Variants in TBX6 observed in about 807,000 individuals in gnomAD.
TBX6 encodes the protein T-box transcription factor TBX6.
TBX6 carries 29 observed loss-of-function variants against 42.3 expected under a neutral mutation model. The ratio of observed to expected loss-of-function variants is 0.69; its 90% CI spans 0.51 to 0.93. The LOEUF is 0.93. TBX6 is among the 40% of genes least tolerant of loss of function. TBX6 has a pLI of 0.00. For synonymous variants in TBX6, 249 were observed against 245.1 expected, an observed-to-expected ratio of 1.02 and a Z score of -0.15; for missense variants, 569 against 603.3, an observed-to-expected ratio of 0.94 and a Z score of 0.59.
At position 30,086,777 on chromosome 16, in the gene TBX6, C is replaced by A; in HGVS notation, c.913+1G>T. On this transcript the variant is annotated splice_donor_variant, in intron 7 of 8. Transcript: ENST00000395224. LOFTEE classifies it high-confidence loss of function. The surrounding 1 kb of genome is among the most constrained non-coding windows in gnomAD (Gnocchi z 4.6). The stretch of plus-strand genomic sequence containing the variant: ...CCCATCGCCATCGGGACTACACTCA[C>A]CTCCGCTCCCATAGGCCTCTGTGGC... 6.2e-7 allele frequency: 1 copy of A among 1,614,014 alleles called. No homozygotes were observed. Among genetic ancestry groups the A allele is most frequent in the South Asian group, 1.1e-5 (1 of 91,070 alleles).
chr16:30,086,614 TCCCCGGGGGCTG>T lies in TBX6; in HGVS notation c.983_994del (p.Pro328_Glu332delinsGln), dbSNP rs1390774196. 6.3e-7 allele frequency: 1 copy of T among 1,591,450 alleles called. No individual in the cohort carries two copies. Among genetic ancestry groups the T allele is most frequent in the East Asian group, 2.3e-5 (1 of 44,392 alleles). ...CAGAGGTGCCGGGGCAGCGGTGGCT[TCCCCGGGGGCTG>T]GGGCCTGTTCTGGATCTGATTCACG... On this transcript the variant is annotated inframe_deletion, in exon 8 of 9. Coordinates refer to ENST00000395224, the MANE Select transcript of TBX6 (RefSeq NM_004608.4). The surrounding 1 kb of genome is among the most constrained non-coding windows in gnomAD (Gnocchi z 4.6).
In TBX6 at chr16:30,091,011, TGAG is replaced by T. The variant is rs1336672136; in HGVS notation, c.119-22_119-20del. On this transcript the variant is annotated intron_variant, in intron 2 of 8. Transcript: ENST00000395224. ...TCCAGTTCTGGAAGCCGGGGAAGAATGAGGAGCCAGCCGAGGGCCACAGCCCCC... is the reference window on the plus strand; with the variant it reads ...TCCAGTTCTGGAAGCCGGGGAAGAATGAGCCAGCCGAGGGCCACAGCCCCC... 3.7e-6 allele frequency: 6 copies of T among 1,607,020 alleles called. No individual in the cohort carries two copies. The African/African-American group carries it at 4.0e-5, about 11-fold the overall frequency.
chr16:30,090,801 ACTC>A lies in TBX6; in HGVS notation c.307_309del (p.Glu103del). On this transcript the variant is annotated inframe_deletion, in exon 3 of 9. Coordinates refer to ENST00000395224, the MANE Select transcript of TBX6 (RefSeq NM_004608.4). ...ATCATTTCTGTTCCCACAGAGCTGA[ACTC>A]CTTCCATAGCTCCCGGTTCTCCAGG... 1 of 1,604,644 alleles carries A rather than the reference ACTC, an allele frequency of 6.2e-7. No individual in the cohort carries two copies. The highest frequency in any genetic ancestry group is 8.5e-7 in the Non-Finnish European group (1 of 1,175,456).
At position 30,088,446 on chromosome 16, in the gene TBX6, T is replaced by TA. The variant is rs1161160575; in HGVS notation, c.839+98dup. The TA allele has an allele frequency of 1.1e-5, 17 of 1,516,462 alleles. No individual in the cohort carries two copies. The highest frequency in any genetic ancestry group is 1.5e-5 in the Non-Finnish European group (16 of 1,094,406). The allele number at this position is 1,516,462 out of a possible 1,614,324, so 93.9% of individuals were successfully genotyped here. A position where few individuals can be genotyped will look rare whatever the true frequency, so the allele number is the denominator to read the frequency against. On this transcript the variant is annotated intron_variant, in intron 6 of 8. Coordinates refer to ENST00000395224, the MANE Select transcript of TBX6 (RefSeq NM_004608.4). This position sits in a 1 kb window ranked among gnomAD's most constrained non-coding sequence, Gnocchi z 4.1. ...GAGTCAGTGAATGAATGTTTTCACT[T>TA]ACCACTGCATTTCTGATGTCCAGCA... is the stretch of plus-strand genomic sequence containing the variant.
chr16:30,089,276 G>A, intron 3 of TBX6, 66 bp from the exon 4 acceptor site: 1 of 1,553,810 alleles, frequency 6.4e-7, no homozygotes, highest in African/African-American at 1.4e-5. Flanking sequence ...CCCAGCACCA[G>A]TAACGGGACA....
chr16:30,086,014 C>T lies in TBX6; in HGVS notation c.*211G>A, dbSNP rs371264180. 6.6e-5 allele frequency: 36 copies of T among 549,272 alleles called. No homozygotes were observed. Among genetic ancestry groups the T allele is most frequent in the Middle Eastern group, 4.7e-4 (1 of 2,150 alleles). The allele number at this position is 549,272 out of a possible 1,614,324, so 34.0% of individuals were successfully genotyped here. On this transcript the variant is annotated 3_prime_UTR_variant, in exon 9 of 9. Transcript: ENST00000395224. This position sits in a 1 kb window ranked among gnomAD's most constrained non-coding sequence, Gnocchi z 4.6. ...GAGGTGAGAGCCGGGAAGGGGAAGC[C>T]GGCCCCAGCTGGACTCCCAGCAGCC...
rs371444192 is a variant in TBX6, at chr16:30,088,908, C to T, written c.621+35G>A. The T allele has an allele frequency of 6.9e-6, 11 of 1,602,932 alleles. No individual in the cohort carries two copies. In the African/African-American group the frequency reaches 1.1e-4, roughly 16 times the overall value. The stretch of plus-strand genomic sequence containing the variant: ...CCCTTGGCCTCCCTTCCAGCACCCC[C>T]CAACCCTATCCTGGAGTCCCAGCCT... On this transcript the variant is annotated intron_variant, in intron 4 of 8. Transcript: ENST00000395224. This position sits in a 1 kb window ranked among gnomAD's most constrained non-coding sequence, Gnocchi z 4.1.
At position 30,089,069 on chromosome 16, in the gene TBX6, C is replaced by A; in HGVS notation, c.495G>T (p.Glu165Asp). Residue 165 changes from glutamate (E) to aspartate (D), a missense_variant, in exon 4 of 9, where the codon GAG becomes GAT. This residue lies in a region of TBX6 where 190 missense variants were observed against 250.6 expected (regional missense o/e 0.76). Transcript: ENST00000395224. ...TGTAGACACGGTCAGGCAGGCGGGG[C>A]TCTGCCTTGCCGCTGGGCTCCCAGC... is the stretch of plus-strand genomic sequence containing the variant. ...GRRWEPSGKA[E>D]PRLPDRVYIH... 6.2e-7 allele frequency: 1 copy of A among 1,613,828 alleles called. No individual in the cohort carries two copies. The highest frequency in any genetic ancestry group is 8.5e-7 in the Non-Finnish European group (1 of 1,179,978).
Position 30,086,685 on chromosome 16 carries a change from A to C in TBX6, c.924T>G (p.Gly308=). The change falls in exon 8 of 9, where the codon GGT becomes GGG. Residue 308 remains glycine, a synonymous_variant. Coordinates refer to ENST00000395224, the MANE Select transcript of TBX6 (RefSeq NM_004608.4). This position sits in a 1 kb window ranked among gnomAD's most constrained non-coding sequence, Gnocchi z 4.6. ...TEAYGSGDTP[G]GPCDSTLGGD... is the part of the protein sequence containing the mutation. ...CACCCAGGGTGGAGTCGCAGGGACC[A>C]CCTGGTGTGTCTGGGGAGAGGGAAG... 1 of 1,612,164 alleles carries C rather than the reference A, an allele frequency of 6.2e-7. No homozygotes were observed. Among genetic ancestry groups the C allele is most frequent in the Middle Eastern group, 1.7e-4 (1 of 6,006 alleles).
Position 30,091,261 on chromosome 16 carries a change from T to G in TBX6, c.-48-20A>C. 1 of 1,246,870 alleles carries G rather than the reference T, an allele frequency of 8.0e-7. No individual in the cohort carries two copies. The highest frequency in any genetic ancestry group is 2.4e-5 in the East Asian group (1 of 41,734). The allele number at this position is 1,246,870 out of a possible 1,614,324, so 77.2% of individuals were successfully genotyped here. A position where few individuals can be genotyped will look rare whatever the true frequency, so the allele number is the denominator to read the frequency against. On this transcript the variant is annotated intron_variant, in intron 1 of 8. Coordinates refer to ENST00000395224, the MANE Select transcript of TBX6 (RefSeq NM_004608.4). Reference sequence around the variant, plus strand: ...CCGGTGCTGCGAGATGCCCCCTTTATAGCTCACAGCTCAGCCCCTTCCAGA... The same window carrying G: ...CCGGTGCTGCGAGATGCCCCCTTTAGAGCTCACAGCTCAGCCCCTTCCAGA...
Position 30,086,158 on chromosome 16 carries a change from G to A in TBX6, c.*67C>T. On this transcript the variant is annotated 3_prime_UTR_variant, in exon 9 of 9. Transcript: ENST00000395224. The surrounding 1 kb of genome is among the most constrained non-coding windows in gnomAD (Gnocchi z 4.6). Reference sequence around the variant, plus strand: ...TGGGGGATGGGGCCGGTGGAGGTGAGGGGGCTCCAGGGCTGGGGGAAGGGA... The same window carrying A: ...TGGGGGATGGGGCCGGTGGAGGTGAAGGGGCTCCAGGGCTGGGGGAAGGGA... 1 of 1,552,812 alleles carries A rather than the reference G, an allele frequency of 6.4e-7. No individual in the cohort carries two copies. The highest frequency in any genetic ancestry group is 8.7e-7 in the Non-Finnish European group (1 of 1,143,356).
Position 30,088,713 on chromosome 16 carries a change from T to A in TBX6, c.748A>T (p.Thr250Ser). Reference protein sequence around the residue: ...RFPETTFISVTAYQNPQITQL... With the variant: ...RFPETTFISVSAYQNPQITQL... ...CTCACCTGTGGGTTCTGGTAGGCTG[T>A]CACGGAGATGAATGTGGTCTCGGGG... Residue 250 changes from threonine to serine, a missense_variant, in exon 5 of 9, where the codon ACA (threonine) becomes TCA (serine). Around this residue, in one of 3 missense-constraint regions of TBX6, gnomAD observed 190 missense variants for 250.6 expected, o/e 0.76. Transcript: ENST00000395224. This position sits in a 1 kb window ranked among gnomAD's most constrained non-coding sequence, Gnocchi z 4.1. 6.2e-7 allele frequency: 1 copy of A among 1,613,960 alleles called. No homozygotes were observed. Among genetic ancestry groups the A allele is most frequent in the Non-Finnish European group, 8.5e-7 (1 of 1,179,966 alleles).
In TBX6 at chr16:30,089,080, C is replaced by A; in HGVS notation, c.484G>T (p.Gly162Cys). ...RWQGRRWEPS[G>C]KAEPRLPDRV... ...TCAGGCAGGCGGGGCTCTGCCTTGC[C>A]GCTGGGCTCCCAGCGCCGGCCCTGC... The change falls in exon 4 of 9, where the codon GGC becomes TGC. Residue 162 changes from glycine to cysteine, a missense_variant. Coordinates refer to ENST00000395224, the MANE Select transcript of TBX6 (RefSeq NM_004608.4). 1 of 1,613,822 alleles carries A rather than the reference C, an allele frequency of 6.2e-7. No individual in the cohort carries two copies. Among genetic ancestry groups the A allele is most frequent in the South Asian group, 1.1e-5 (1 of 91,066 alleles).
intron 3 of TBX6, among the ~76,000 whole-genome samples, 184 bp downstream of exon 3, chr16:30,090,574 C>A (rs1054687467): frequency 2.0e-5 from 3 of 152,182 alleles, no homozygotes; most frequent in African/African-American, 7.2e-5. Flanking sequence ...GGCCCTTAAC[C>A]CTTGTCACAG....
Position 30,088,343 on chromosome 16 carries a change from T to C in TBX6, c.839+202A>G. 1 of 694,090 alleles carries C rather than the reference T, an allele frequency of 1.4e-6. No homozygotes were observed. Among genetic ancestry groups the C allele is most frequent in the Non-Finnish European group, 2.4e-6 (1 of 410,454 alleles). 43.0% of individuals were successfully genotyped at this position (694,090 alleles called of 1,614,324 possible). A position where few individuals can be genotyped will look rare whatever the true frequency, so the allele number is the denominator to read the frequency against. On this transcript the variant is annotated intron_variant, in intron 6 of 8. Transcript: ENST00000395224. This position sits in a 1 kb window ranked among gnomAD's most constrained non-coding sequence, Gnocchi z 4.1. ...AATCAGCTGCATGAGGGCCGGGGCT[T>C]TGGTTTGCTTTGTTTGTTTTATCTC...
chr16:30,088,400 G>A lies in TBX6; in HGVS notation c.839+145C>T. ...CTGGAACTGTCCCTGGCACATAGCA[G>A]GTACTATATAAGTATTTGCTGAGTC... On this transcript the variant is annotated intron_variant, in intron 6 of 8. Transcript: ENST00000395224. The surrounding 1 kb of genome is among the most constrained non-coding windows in gnomAD (Gnocchi z 4.1). 8.9e-7 allele frequency: 1 copy of A among 1,128,548 alleles called. No homozygotes were observed. The highest frequency in any genetic ancestry group is 1.3e-5 in the South Asian group (1 of 75,274). 69.9% of individuals were successfully genotyped at this position (1,128,548 alleles called of 1,614,324 possible).
Position 30,086,639 on chromosome 16 carries a change from G to T in TBX6, c.970C>A (p.Pro324Thr). The T allele has an allele frequency of 6.2e-7, 1 of 1,607,836 alleles. No homozygotes were observed. The highest frequency in any genetic ancestry group is 8.5e-7 in the Non-Finnish European group (1 of 1,177,782). Residue 324 changes from proline to threonine, a missense_variant, in exon 8 of 9, where the codon CCA (proline) becomes ACA (threonine). Physicochemically the swap from Pro to Thr is conservative, Grantham distance 38. This residue lies in a region of TBX6 where 245 missense variants were observed against 227.4 expected (regional missense o/e 1.08). Transcript: ENST00000395224. This position sits in a 1 kb window ranked among gnomAD's most constrained non-coding sequence, Gnocchi z 4.6. ...TCCCCGGGGGCTGGGGCCTGTTCTG[G>T]ATCTGATTCACGAATGTCTCCACCC... ...TLGGDIRESD[P>T]EQAPAPGEAT...
In TBX6 at chr16:30,089,168, G is replaced by C. The variant is rs765244167; in HGVS notation, c.396C>G (p.Asp132Glu). The change falls in exon 4 of 9, where the codon GAC (aspartate) becomes GAG (glutamate). Residue 132 changes from aspartate (D) to glutamate (E), a missense_variant. Transcript: ENST00000395224. Reference sequence around the variant, plus strand: ...GAAGAAACAAGTAGCGGGCCTCGGGGTCCAGGCCAGTGACTGACACTCGGC... The same window carrying C: ...GAAGAAACAAGTAGCGGGCCTCGGGCTCCAGGCCAGTGACTGACACTCGGC... ...PACRVSVTGL[D>E]PEARYLFLLD... 1 of 1,614,040 alleles carries C rather than the reference G, an allele frequency of 6.2e-7. No homozygotes were observed. Among genetic ancestry groups the C allele is most frequent in the East Asian group, 2.2e-5 (1 of 44,876 alleles).
In TBX6 at chr16:30,086,109, C is replaced by G; in HGVS notation, c.*116G>C. On this transcript the variant is annotated 3_prime_UTR_variant, in exon 9 of 9. Coordinates refer to ENST00000395224, the MANE Select transcript of TBX6 (RefSeq NM_004608.4). The surrounding 1 kb of genome is among the most constrained non-coding windows in gnomAD (Gnocchi z 4.6). ...GTGTGAAGTTGAGGGGGTGGGTGGGCAGGCCCAAGGCGGCCATTTGGTGTG... is the reference window on the plus strand; with the variant it reads ...GTGTGAAGTTGAGGGGGTGGGTGGGGAGGCCCAAGGCGGCCATTTGGTGTG... 2.0e-6 allele frequency: 2 copies of G among 998,020 alleles called. No individual in the cohort carries two copies. Among genetic ancestry groups the G allele is most frequent in the South Asian group, 1.6e-5 (1 of 62,306 alleles). 61.8% of individuals were successfully genotyped at this position (998,020 alleles called of 1,614,324 possible).
Sources: gnomAD v4.1 joint callset for allele counts (sites outside exome capture counted in the v4.1 genomes callset) on GRCh38, gnomAD v4.1.1 for gene constraint, gnomAD v4.1.1 regional missense constraint, Gnocchi (gnomAD v3.1) non-coding constraint, MANE v1.5 for transcripts, NCBI Gene and HGNC (gene_info 2026-07-23, HGNC 2026-07-21) for gene names.